Variants in ACOT12 observed in about 807,000 individuals in gnomAD.
The protein encoded by ACOT12 is acyl-CoA thioesterase 12.
In ACOT12, 51 loss-of-function variants were observed where a neutral mutation model predicts 67.7. The observed-to-expected ratio is 0.75, with a 90% confidence interval of 0.60 to 0.95. ACOT12 has a LOEUF of 0.95. ACOT12 is among the 40% of genes least tolerant of loss of function. ACOT12 has a pLI of 0.00. For missense variants in ACOT12, 734 were observed against 708.1 expected, an observed-to-expected ratio of 1.04 and a Z score of -0.41; for synonymous variants, 251 against 244.6, an observed-to-expected ratio of 1.03 and a Z score of -0.24.
intron 11 of ACOT12, among the ~76,000 whole-genome samples, chr5:81,340,014 C>T (rs905977260): frequency 1.3e-5 from 2 of 151,764 alleles, no homozygotes. Context: ...TGGATGCTGT[C>T]AGACCCGGCT....
intron 1 of ACOT12, 27 bp from the exon 2 acceptor site, chr5:81,385,853 G>T (rs746352705): frequency 3.7e-6 from 6 of 1,602,718 alleles, no homozygotes; most frequent in South Asian, 2.2e-5. Flanking sequence ...AAAATGTGCT[G>T]CTTTAGTGGT....
chr5:81,331,406 G>A (rs375618594), intron 13 of ACOT12, among the ~76,000 whole-genome samples: 58 of 152,200 alleles, frequency 3.8e-4, no homozygotes, highest in African/African-American at 9.1e-4. Flanking sequence ...CCATGGTGGC[G>A]CATGCCTGTA....
rs976171393 is a variant in ACOT12, at chr5:81,359,906, C to A, written c.493G>T (p.Asp165Tyr). 2 of 1,603,982 alleles carry A rather than the reference C, an allele frequency of 1.2e-6. No homozygotes were observed. Among genetic ancestry groups the A allele is most frequent in the Non-Finnish European group, 8.5e-7 (1 of 1,177,626 alleles). Reference sequence around the variant, plus strand: ...TCTTATAAGTGGATTTACTGACCATCAAATTTGCTACTTTCCTTCATTAAA... The same window carrying A: ...TCTTATAAGTGGATTTACTGACCATAAAATTTGCTACTTTCCTTCATTAAA... ...NNLMKESSKFDDLIFDEEEGA... is the reference protein window; with the variant it reads ...NNLMKESSKFYDLIFDEEEGA... The change falls in exon 5 of 15, where the codon GAT (aspartate) becomes TAT (tyrosine). Residue 165 changes from aspartate to tyrosine, a missense_variant. Asp to Tyr is a radical substitution (Grantham distance 160). Transcript: ENST00000307624.
chr5:81,374,449 A>G (rs891515512), intron 2 of ACOT12, among the ~76,000 whole-genome samples: 32 of 152,108 alleles, frequency 2.1e-4, no homozygotes, highest in African/African-American at 7.5e-4. Context: ...AAGGATCACA[A>G]CTCCGTGCCA....
chr5:81,343,111 C>T (rs1310336079), intron 10 of ACOT12, among the ~76,000 whole-genome samples: 3 of 151,780 alleles, frequency 2.0e-5, no homozygotes, highest in Non-Finnish European at 1.5e-5. Flanking sequence ...AACCCGCCAC[C>T]GGGAGGCGGA....
chr5:81,389,814 ACC>A (rs1760817821), intron 1 of ACOT12, among the ~76,000 whole-genome samples: 1 of 145,650 alleles, frequency 6.9e-6, no homozygotes, highest in Non-Finnish European at 1.5e-5. Context: ...GGTGTGAGCC[ACC>A]AGGCCCAGCC....
intron 7 of ACOT12, 144 bp downstream of exon 7, chr5:81,345,741 A>C (rs1759359345): frequency 8.8e-7 from 1 of 1,131,702 alleles, no homozygotes. Context: ...CAAAGGGTTA[A>C]AAATATGTTC....
intron 11 of ACOT12, 93 bp from the exon 12 acceptor site, chr5:81,335,994 CACTA>C: frequency 1.5e-6 from 2 of 1,300,666 alleles, no homozygotes; most frequent in Non-Finnish European, 1.0e-6. Flanking sequence ...AGACCAATTG[CACTA>C]ACTAAGGCAT....
the ACOT12 span, among the ~76,000 whole-genome samples, chr5:81,318,053 A>G: frequency 6.6e-6 from 1 of 151,514 alleles, no homozygotes; most frequent in Non-Finnish European, 1.5e-5. Context: ...TGGCTAATTT[A>G]TGTATTTTTA....
At chr5:81,382,035 A>G (rs1357998328) in intron 2 of ACOT12, among the ~76,000 whole-genome samples, 2 of 152,222 alleles carry the variant, frequency 1.3e-5, no homozygotes, top group Non-Finnish European at 2.9e-5. Context: ...GTGTATATAC[A>G]TATTAATTTC....
the ACOT12 span, among the ~76,000 whole-genome samples, chr5:81,317,917 T>C: frequency 0.47 from 69,972 of 148,418 alleles, 17,233 homozygotes; most frequent in Admixed American, 0.59. Flanking sequence ...GAGACAGAGT[T>C]TGTAGCCCAG....
the ACOT12 span, among the ~76,000 whole-genome samples, chr5:81,310,351 A>G: frequency 1.1e-4 from 16 of 152,100 alleles, no homozygotes; most frequent in Non-Finnish European, 1.9e-4. Context: ...ACATTTTTGT[A>G]TGGTACATTT....
At chr5:81,332,384 T>G (rs2153842376) in intron 13 of ACOT12, 93 bp downstream of exon 13, 2 of 1,366,734 alleles carry the variant, frequency 1.5e-6, no homozygotes, top group East Asian at 4.7e-5. Flanking sequence ...AGAGCAGAAA[T>G]ATCTACACAG....
chr5:81,342,601 T>C, intron 11 of ACOT12, 71 bp downstream of exon 11: 1 of 1,487,638 alleles, frequency 6.7e-7, no homozygotes, highest in African/African-American at 1.4e-5. Context: ...GTAGAAGCAG[T>C]AGAACCACCA....
intron 5 of ACOT12, among the ~76,000 whole-genome samples, chr5:81,359,013 T>C (rs1238110370): frequency 6.6e-6 from 1 of 152,186 alleles, no homozygotes; most frequent in Non-Finnish European, 1.5e-5. Flanking sequence ...TCTGCCATAC[T>C]GGCTGCTACC....
Position 81,343,883 on chromosome 5 carries a change from T to A in ACOT12, c.981-2A>T. ...TCTTTGTGGGAAATAACATATTTTC[T>A]GGAAAAAAAAATTAAAGTGTTAAAT... is the stretch of plus-strand genomic sequence containing the variant. On this transcript the variant is annotated splice_acceptor_variant, in intron 9 of 14. Transcript: ENST00000307624. LOFTEE classifies it high-confidence loss of function. 6.2e-7 allele frequency: 1 copy of A among 1,611,422 alleles called. No homozygotes were observed. Among genetic ancestry groups the A allele is most frequent in the Non-Finnish European group, 8.5e-7 (1 of 1,179,104 alleles).
chr5:81,383,051 T>C (rs2153859055), intron 2 of ACOT12, among the ~76,000 whole-genome samples: 1 of 152,318 alleles, frequency 6.6e-6, no homozygotes, highest in South Asian at 2.1e-4. Flanking sequence ...TTGTAGTCTA[T>C]GATCATTAGA....
intron 5 of ACOT12, among the ~76,000 whole-genome samples, chr5:81,359,126 G>A (rs1759818655): frequency 6.6e-6 from 1 of 152,002 alleles, no homozygotes; most frequent in Non-Finnish European, 1.5e-5. Flanking sequence ...TTCTTCCGGT[G>A]CCTTCCTTTG....
intron 5 of ACOT12, among the ~76,000 whole-genome samples, chr5:81,353,695 A>G (rs1369648867): frequency 6.6e-6 from 1 of 152,258 alleles, no homozygotes; most frequent in Non-Finnish European, 1.5e-5. Flanking sequence ...TACACATTCC[A>G]GAAATATCCT....
Sources: gnomAD v4.1 joint callset for allele counts (sites outside exome capture counted in the v4.1 genomes callset) on GRCh38, gnomAD v4.1.1 for gene constraint, MANE v1.5 for transcripts, NCBI Gene and HGNC (gene_info 2026-07-23, HGNC 2026-07-21) for gene names.